The following WDR62 variants were observed in gnomAD, a reference collection of about 807,000 sequenced individuals.
WDR62 encodes WD repeat-containing protein 62.
A neutral mutation model predicts 160.6 loss-of-function variants in WDR62; 112 were observed. The observed-to-expected ratio is 0.70, with a 90% CI of 0.60 to 0.82. The LOEUF (loss-of-function observed/expected upper bound fraction) is 0.82, where lower values mean the gene tolerates loss of function less well. Among genes scored for constraint, WDR62 ranks in the 40% least tolerant of loss-of-function variants. WDR62 has a pLI of 0.00. For synonymous variants in WDR62, 792 were observed against 815.1 expected, an observed-to-expected ratio of 0.97 and a Z score of 0.48; for missense variants, 1,819 against 1,983.8, an observed-to-expected ratio of 0.92 and a Z score of 1.58.
At position 36,093,138 on chromosome 19, in the gene WDR62, T is replaced by C. The variant is rs760357936; in HGVS notation, c.2333+327T>C. On this transcript the variant is annotated intron_variant, in intron 19 of 31. Transcript: ENST00000401500. ...AGGTGTGAGCCACTGCACCCGGCTATGAGAAGGGTATTAAAGTGGAAAAGC... is the reference window on the plus strand; with the variant it reads ...AGGTGTGAGCCACTGCACCCGGCTACGAGAAGGGTATTAAAGTGGAAAAGC... Among the ~76,000 whole-genome samples the C allele has an allele frequency of 3.3e-5, 5 of 152,102 alleles. No individual in the cohort carries two copies. The South Asian group carries it at 8.3e-4, about 25-fold the overall frequency.
chr19:36,082,988 C>T, intron 10 of WDR62, 75 bp from the exon 11 acceptor site: 1 of 1,337,824 alleles, frequency 7.5e-7, no homozygotes, highest in South Asian at 1.2e-5. Flanking sequence ...GAAGAAGAGA[C>T]TGGCTATGGA....
chr19:36,086,585 A>T, intron 12 of WDR62, 102 bp from the exon 13 acceptor site: 1 of 1,430,262 alleles, frequency 7.0e-7, no homozygotes, highest in Non-Finnish European at 9.5e-7. Flanking sequence ...AGAACCAAAG[A>T]CCCCTTCTCC....
intron 7 of WDR62, chr19:36,070,835 T>C (rs1345046800): frequency 6.5e-6 from 1 of 152,700 alleles, no homozygotes; most frequent in Non-Finnish European, 1.5e-5. Flanking sequence ...GACAGTCCTT[T>C]CTAGATACTG....
At chr19:36,084,765 G>GA (rs1301455956) in intron 12 of WDR62, 21 bp downstream of exon 12, 1 of 1,610,240 alleles carries the variant, frequency 6.2e-7, no homozygotes, top group Admixed American at 1.7e-5. Flanking sequence ...AGCAGGGGTG[G>GA]AATGGGGGTC....
Position 36,067,349 on chromosome 19 carries a change from T to C in WDR62, c.605T>C (p.Ile202Thr), listed in dbSNP as rs1217143847. 4 of 1,614,218 alleles carry C rather than the reference T, an allele frequency of 2.5e-6. No individual in the cohort carries two copies. Among genetic ancestry groups the C allele is most frequent in the East Asian group, 2.2e-5 (1 of 44,890 alleles). The part of the protein sequence containing the change: ...VASNKVSCRV[I>T]ALSFSEDSSY... The stretch of plus-strand genomic sequence containing the variant: ...TCCAACAAGGTATCTTGTAGAGTCA[T>C]TGCCCTCTCCTTCTCAGAGGACAGC... Residue 202 changes from isoleucine to threonine, a missense_variant, in exon 6 of 32, where the codon ATT becomes ACT. By Grantham distance (89) the Ile-to-Thr change is moderately conservative. This residue lies in a region of WDR62 where 934 missense variants were observed against 1,157.2 expected (regional missense o/e 0.81). Coordinates refer to ENST00000401500, the MANE Select transcript of WDR62 (RefSeq NM_001083961.2).
chr19:36,099,405 G>T lies in WDR62; in HGVS notation c.2527G>T (p.Asp843Tyr), dbSNP rs370738148. 8.7e-6 allele frequency: 14 copies of T among 1,613,354 alleles called. No individual in the cohort carries two copies. The highest frequency in any genetic ancestry group is 1.1e-5 in the Non-Finnish European group (13 of 1,179,974). Residue 843 changes from aspartate (D) to tyrosine (Y), a missense_variant, in exon 22 of 32, where the codon GAC (aspartate) becomes TAC (tyrosine). By Grantham distance (160) the Asp-to-Tyr change is radical. Coordinates refer to ENST00000401500, the MANE Select transcript of WDR62 (RefSeq NM_001083961.2). ...CTGTCCGATATCCTTCAAGCTAGGG[G>T]ACGATGATGTGGCAGATGGCTTGGC... Reference protein sequence around the residue: ...LPLWAKRLLGDDDVADGLAFH... With the variant: ...LPLWAKRLLGYDDVADGLAFH...
In WDR62 at chr19:36,099,254, G is replaced by A. The variant is rs1326708687; in HGVS notation, c.2521-145G>A. ...AAAAAAAAAAAAAAAACAGAGAAAG[G>A]TTCACGCTGGAGATATGTACCTGGA... On this transcript the variant is annotated intron_variant, in intron 21 of 31. Coordinates refer to ENST00000401500, the MANE Select transcript of WDR62 (RefSeq NM_001083961.2). The A allele has an allele frequency of 1.8e-4, 113 of 635,112 alleles. 3 individuals are homozygous for A. The South Asian group carries it at 1.9e-3, about 11-fold the overall frequency. 39.3% of individuals were successfully genotyped at this position (635,112 alleles called of 1,614,324 possible). A position where few individuals can be genotyped will look rare whatever the true frequency, so the allele number is the denominator to read the frequency against.
intron 3 of WDR62, among the ~76,000 whole-genome samples, chr19:36,062,977 A>C (rs1052288841): frequency 6.6e-6 from 1 of 150,926 alleles, no homozygotes; most frequent in Non-Finnish European, 1.5e-5. Context: ...TTTGAGATGG[A>C]GTCTCTGTCG....
intron 9 of WDR62, chr19:36,073,939 A>G (rs1419803497): frequency 8.4e-6 from 3 of 357,506 alleles, no homozygotes; most frequent in African/African-American, 6.4e-5. Context: ...GCCCTGCGGC[A>G]GGAACATGCA....
At chr19:36,101,531 C>G in intron 24 of WDR62, 133 bp from the exon 25 acceptor site, 1 of 817,416 alleles carries the variant, frequency 1.2e-6, no homozygotes, top group Non-Finnish European at 2.0e-6. Flanking sequence ...TTCCCTTATT[C>G]ATAAAATGGG....
At chr19:36,091,089 C>A in intron 16 of WDR62, 111 bp from the exon 17 acceptor site, 1 of 921,436 alleles carries the variant, frequency 1.1e-6, no homozygotes, top group Non-Finnish European at 1.7e-6. Flanking sequence ...AGCTCCTGCC[C>A]TGCCAGAGTC....
chr19:36,103,459 G>A lies in WDR62; in HGVS notation c.3631G>A (p.Ala1211Thr). Residue 1211 changes from alanine to threonine, a missense_variant, in exon 30 of 32, where the codon GCC becomes ACC. Transcript: ENST00000401500. ...PTPGLAQGVH[A>T]PSTCSYMEAT... is the part of the protein sequence containing the mutation. ...CCCAGGCCTGGCTCAGGGTGTCCAT[G>A]CCCCCTCCACCTGTTCCTACATGGA... is the stretch of plus-strand genomic sequence containing the variant. 1 of 1,614,004 alleles carries A rather than the reference G, an allele frequency of 6.2e-7. No individual in the cohort carries two copies. Among genetic ancestry groups the A allele is most frequent in the South Asian group, 1.1e-5 (1 of 91,076 alleles).
At chr19:36,059,347 GTTTCCTTATCTATAAAT>G (rs1970527586) in intron 2 of WDR62, among the ~76,000 whole-genome samples, 1 of 152,188 alleles carries the variant, frequency 6.6e-6, no homozygotes, top group African/African-American at 2.4e-5. Flanking sequence ...CTCTGGGTTT[GTTTCCTTATCTATAAAT>G]GGGCCTAAAT....
chr19:36,098,262 T>C (rs1183863269), intron 21 of WDR62, among the ~76,000 whole-genome samples: 8 of 149,340 alleles, frequency 5.4e-5, no homozygotes, highest in African/African-American at 1.5e-4. Context: ...ACCTTGTCTC[T>C]TAAAAAAAAA....
rs1273485320 is a variant in WDR62 at position 36,100,650 on chromosome 19, AC to A, written c.2740-97del. ...GAGGGCATGGCACAGGCCCTGGTTC[AC>A]AGCCTCCAGCAGTGGGGCTGCTGGC... On this transcript the variant is annotated intron_variant, in intron 22 of 31. Transcript: ENST00000401500. 7.6e-6 allele frequency: 12 copies of A among 1,578,080 alleles called. No individual in the cohort carries two copies. The African/African-American group carries it at 1.6e-4, about 21-fold the overall frequency.
chr19:36,095,173 A>G (rs1972881705), intron 20 of WDR62, among the ~76,000 whole-genome samples: 1 of 152,236 alleles, frequency 6.6e-6, no homozygotes, highest in South Asian at 2.1e-4. Context: ...CCAGATAGAC[A>G]GATGATGTTA....
At position 36,101,231 on chromosome 19, in the gene WDR62, A is replaced by G; in HGVS notation, c.2885A>G (p.Glu962Gly). 6.2e-7 allele frequency: 1 copy of G among 1,612,868 alleles called. No individual in the cohort carries two copies. Among genetic ancestry groups the G allele is most frequent in the South Asian group, 1.1e-5 (1 of 90,616 alleles). ...CACTGCAGCCAGTATTGCAGGAAGG[A>G]GGTGGAGGCCGGGCCTGGAGACCAG... is the stretch of plus-strand genomic sequence containing the variant. Reference protein sequence around the residue: ...TGTDSQYCRKEVEAGPGDQQG... With the variant: ...TGTDSQYCRKGVEAGPGDQQG... The change falls in exon 24 of 32, where the codon GAG (glutamate) becomes GGG (glycine). Residue 962 changes from glutamate to glycine, a missense_variant. Coordinates refer to ENST00000401500, the MANE Select transcript of WDR62 (RefSeq NM_001083961.2).
chr19:36,102,141 C>T lies in WDR62; in HGVS notation c.3210C>T (p.Ser1070=), dbSNP rs1394844405. Residue 1070 remains serine, a synonymous_variant, in exon 26 of 32, where the codon TCC becomes TCT. Coordinates refer to ENST00000401500, the MANE Select transcript of WDR62 (RefSeq NM_001083961.2). The stretch of plus-strand genomic sequence containing the variant: ...ACCACTTTGAGACACTGACTGAGTC[C>T]CCCTGCAGAGGTAGGGCCCTGCCTC... The part of the protein sequence containing the change: ...LRHHFETLTE[S]PCRELFPAAL... 2 of 1,613,864 alleles carry T rather than the reference C, an allele frequency of 1.2e-6. No homozygotes were observed. Among genetic ancestry groups the T allele is most frequent in the African/African-American group, 1.3e-5 (1 of 74,930 alleles).
At chr19:36,088,166 T>C (rs1972367708) in intron 13 of WDR62, among the ~76,000 whole-genome samples, 1 of 152,186 alleles carries the variant, frequency 6.6e-6, no homozygotes, top group South Asian at 2.1e-4. Context: ...GGAGCATGTG[T>C]GATGTGCCCA....
Sources: gnomAD v4.1 joint callset for allele counts (sites outside exome capture counted in the v4.1 genomes callset) on GRCh38, gnomAD v4.1.1 for gene constraint, gnomAD v4.1.1 regional missense constraint, MANE v1.5 for transcripts, NCBI Gene and HGNC (gene_info 2026-07-23, HGNC 2026-07-21) for gene names.